SATL1: variants seen among roughly 807,000 people sequenced by gnomAD.
SATL1 encodes the protein spermidine/spermine N1-acetyl transferase like 1.
A neutral mutation model predicts 51.8 loss-of-function variants in SATL1; 47 were observed. That is an observed-to-expected ratio of 0.91 (90% CI 0.72 to 1.16). The LOEUF (loss-of-function observed/expected upper bound fraction) is 1.16, where lower values mean the gene tolerates loss of function less well. SATL1 is among the 50% of genes most tolerant of loss of function. The probability of loss-of-function intolerance (pLI) is 0.00; values close to 1 mark genes in which losing one functional copy is unlikely to be tolerated. For synonymous variants in SATL1, 176 were observed against 182.4 expected (o/e 0.97, Z 0.28); for missense variants, 520 against 526.4 (o/e 0.99, Z 0.12).
intron 2 of SATL1, among the ~76,000 whole-genome samples, chrX:85,175,789 G>T (rs1285748797): frequency 9.0e-6 from 1 of 111,063 alleles, no homozygotes; most frequent in East Asian, 2.8e-4. Flanking sequence ...TAGTCAAGGG[G>T]GGCAGTCATT....
chrX:85,119,536 C>T (rs1430174757), intron 2 of SATL1, among the ~76,000 whole-genome samples: 1 of 111,511 alleles, frequency 9.0e-6, no homozygotes, highest in Non-Finnish European at 1.9e-5. Context: ...TGGCATTAAA[C>T]AATGTTCCAG....
chrX:85,149,678 C>T (rs1225649166), intron 2 of SATL1, among the ~76,000 whole-genome samples: 7 of 111,629 alleles, frequency 6.3e-5, no homozygotes, highest in Non-Finnish European at 1.3e-4. Flanking sequence ...AACCACTCAA[C>T]TACATGGAAA....
intron 2 of SATL1, among the ~76,000 whole-genome samples, chrX:85,172,628 G>A (rs1371514046): frequency 9.0e-6 from 1 of 110,826 alleles, no homozygotes; most frequent in Non-Finnish European, 1.9e-5. Context: ...GCTCATATAG[G>A]CACGTCTTAT....
intron 1 of SATL1, among the ~76,000 whole-genome samples, chrX:85,233,319 G>A (rs970746313): frequency 3.6e-5 from 4 of 111,694 alleles, no homozygotes; most frequent in Non-Finnish European, 3.8e-5. Context: ...AAGAAGAAAG[G>A]CTCCAAACAA....
At chrX:85,205,631 A>C (rs760201027) in intron 2 of SATL1, among the ~76,000 whole-genome samples, 1 of 112,330 alleles carries the variant, frequency 8.9e-6, no homozygotes, top group African/African-American at 3.2e-5. Context: ...AATGGGCTTG[A>C]TGTTTTCAAA....
At position 85,092,405 on chromosome X, in the gene SATL1, C is replaced by G. The variant is rs781101928; in HGVS notation, c.2074G>C (p.Ala692Pro). The change falls in exon 8 of 8, where the codon GCA becomes CCA. Residue 692 changes from alanine to proline, a missense_variant. Ala to Pro is a conservative substitution (Grantham distance 27). Transcript: ENST00000644105. Reference protein sequence around the residue: ...RFNREELLDMAWEE With the variant: ...RFNREELLDMPWEE ...CAAAGCCTCTTTCATTCTTCCCATG[C>G]CATGTCCAGGAGTTCTTCTCTGTTA... is the stretch of plus-strand genomic sequence containing the variant. 5.8e-5 allele frequency: 68 copies of G among 1,168,930 alleles called. No homozygotes were observed. The highest frequency in any genetic ancestry group is 7.0e-5 in the Non-Finnish European group (61 of 875,124).
At chrX:85,130,508 T>G in intron 2 of SATL1, among the ~76,000 whole-genome samples, 1 of 111,858 alleles carries the variant, frequency 8.9e-6, no homozygotes, top group Non-Finnish European at 1.9e-5. Flanking sequence ...TTTATCATTT[T>G]TTATTGCATC....
intron 2 of SATL1, among the ~76,000 whole-genome samples, chrX:85,121,421 C>T (rs1479221274): frequency 2.0e-5 from 2 of 100,612 alleles, no homozygotes; most frequent in African/African-American, 7.2e-5. Context: ...TTGTTATTAG[C>T]TATTTCTTGT....
At chrX:85,178,087 T>A (rs1055277072) in intron 2 of SATL1, among the ~76,000 whole-genome samples, 5 of 111,795 alleles carry the variant, frequency 4.5e-5, no homozygotes, top group Non-Finnish European at 7.5e-5. Flanking sequence ...ATTTGAAGAA[T>A]CAAAGGAGGT....
Position 85,169,622 on chromosome X carries a change from A to G in SATL1, c.-313+54583T>C, listed in dbSNP as rs74980090. On this transcript the variant is annotated intron_variant, in intron 2 of 7. Transcript: ENST00000644105. ...TCTATTATTAAAAAGTCAAAAAGTA[A>G]CAGATGCTGGTGAGGTTGTGGAGAA... Among the ~76,000 whole-genome samples the G allele has an allele frequency of 6.3e-5, 7 of 111,669 alleles. No homozygotes were observed. The Admixed American group carries it at 6.7e-4, about 11-fold the overall frequency.
intron 2 of SATL1, among the ~76,000 whole-genome samples, chrX:85,167,518 C>T (rs1316191388): frequency 9.0e-6 from 1 of 111,283 alleles, no homozygotes; most frequent in African/African-American, 3.3e-5. Context: ...CATCTATGCA[C>T]ACAAACTAGA....
intron 2 of SATL1, among the ~76,000 whole-genome samples, chrX:85,170,536 G>A (rs972835965): frequency 3.6e-5 from 4 of 111,483 alleles, no homozygotes; most frequent in Non-Finnish European, 5.7e-5. Context: ...CAGCAGGAAA[G>A]AACAATTAGT....
At chrX:85,095,134 A>C (rs1924667189) in intron 4 of SATL1, 138 bp from the exon 5 acceptor site, 5 of 432,503 alleles carry the variant, frequency 1.2e-5, no homozygotes, top group Non-Finnish European at 2.0e-5. Flanking sequence ...ATATTTTGGA[A>C]CTCTGGAGTT....
chrX:85,197,368 C>CA (rs751489806), intron 2 of SATL1, among the ~76,000 whole-genome samples: 3 of 110,797 alleles, frequency 2.7e-5, no homozygotes, highest in Non-Finnish European at 3.8e-5. Flanking sequence ...CTTTGTGTTA[C>CA]AAAAAAATCC....
chrX:85,145,037 A>G (rs1436473277), intron 2 of SATL1, among the ~76,000 whole-genome samples: 1 of 109,815 alleles, frequency 9.1e-6, no homozygotes, highest in Non-Finnish European at 1.9e-5. Context: ...CCCTGTCTCA[A>G]AAAAAAATAA....
chrX:85,157,205 A>G (rs1212878190), intron 2 of SATL1, among the ~76,000 whole-genome samples: 3 of 110,424 alleles, frequency 2.7e-5, no homozygotes, highest in Non-Finnish European at 5.7e-5. Flanking sequence ...CATCAAGGCC[A>G]GTTAAATGCT....
In SATL1 at chrX:85,107,668, G is replaced by T; in HGVS notation, c.1301C>A (p.Pro434Gln). The T allele has an allele frequency of 8.3e-7, 1 of 1,211,972 alleles. No homozygotes were observed. Among genetic ancestry groups the T allele is most frequent in the Non-Finnish European group, 1.1e-6 (1 of 895,542 alleles). The change falls in exon 3 of 8, where the codon CCA becomes CAA. Residue 434 changes from proline (P) to glutamine (Q), a missense_variant. By Grantham distance (76) the Pro-to-Gln change is moderately conservative (BLOSUM62 -1). Coordinates refer to ENST00000644105, the MANE Select transcript of SATL1 (RefSeq NM_001367857.2). ...PVPRQPNKSP[P>Q]GMWQRGMWQP... ...CCACATGCCTCGTTGCCACATGCCT[G>T]GTGGACTCTTGTTTGGTTGCCTCGG... is the stretch of plus-strand genomic sequence containing the variant.
At chrX:85,141,718 TAAC>T (rs1283497990) in intron 2 of SATL1, among the ~76,000 whole-genome samples, 1 of 110,542 alleles carries the variant, frequency 9.0e-6, no homozygotes, top group Non-Finnish European at 1.9e-5. Flanking sequence ...ATTACAATAA[TAAC>T]ATATAAATTC....
chrX:85,174,223 G>A (rs772175484), intron 2 of SATL1, among the ~76,000 whole-genome samples: 2 of 110,110 alleles, frequency 1.8e-5, no homozygotes, highest in South Asian at 3.9e-4. Context: ...GAATAGTGCC[G>A]CAATAAACAT....
Sources: gnomAD v4.1 joint callset for allele counts (sites outside exome capture counted in the v4.1 genomes callset) on GRCh38, gnomAD v4.1.1 for gene constraint, MANE v1.5 for transcripts, NCBI Gene and HGNC (gene_info 2026-07-23, HGNC 2026-07-21) for gene names.